The following TMEM132D variants were observed in gnomAD, a reference collection of about 807,000 sequenced individuals.
TMEM132D encodes the protein mature OL transmembrane protein.
In TMEM132D, 21 loss-of-function variants were observed where a neutral mutation model predicts 62.3. That is an observed-to-expected ratio of 0.34 (90% CI 0.24 to 0.49). The LOEUF (loss-of-function observed/expected upper bound fraction) is 0.49. TMEM132D is among the 20% of genes least tolerant of loss of function. The pLI, the probability that TMEM132D is intolerant of heterozygous loss-of-function variation, is 0.99. For synonymous variants in TMEM132D, 621 were observed against 575.6 expected (o/e 1.08, Z -1.13); for missense variants, 1,346 against 1,402.8 (o/e 0.96, Z 0.65).
At chr12:129,501,371 A>G (rs574139892) in intron 3 of TMEM132D, among the ~76,000 whole-genome samples, 1 of 150,834 alleles carries the variant, frequency 6.6e-6, no homozygotes, top group Admixed American at 6.6e-5. Flanking sequence ...TTCTCTTTTG[A>G]AAAAAAAAAT....
chr12:129,482,357 C>A (rs574321208), intron 3 of TMEM132D, among the ~76,000 whole-genome samples: 9 of 152,138 alleles, frequency 5.9e-5, no homozygotes, highest in Non-Finnish European at 1.2e-4. Flanking sequence ...TTTTGTCTAC[C>A]AATCTGAAGG....
In TMEM132D at chr12:129,075,683, A is replaced by C. The variant is rs560428265; in HGVS notation, c.2116-624T>G. 6.6e-5 allele frequency among the ~76,000 whole-genome samples: 10 copies of C among 152,238 alleles called. No homozygotes were observed. The East Asian group carries it at 1.9e-3, about 29-fold the overall frequency. ...GAGGAGTTAAGCCTGACAGCAGGAG[A>C]GGGAGAAGCATCTTGATTGGAGAGT... is the stretch of plus-strand genomic sequence containing the variant. On this transcript the variant is annotated intron_variant, in intron 8 of 8. Transcript: ENST00000422113.
chr12:129,701,239 A>G (rs1593126504), intron 1 of TMEM132D, among the ~76,000 whole-genome samples: 1 of 152,318 alleles, frequency 6.6e-6, no homozygotes, highest in South Asian at 2.1e-4. Flanking sequence ...CACATGTCCA[A>G]TGGGAAATGC....
intron 3 of TMEM132D, among the ~76,000 whole-genome samples, chr12:129,361,568 G>A (rs1474026791): frequency 6.6e-6 from 1 of 152,194 alleles, no homozygotes; most frequent in East Asian, 1.9e-4. Context: ...CATAAAGTCA[G>A]GCCCCATTTA....
intron 2 of TMEM132D, among the ~76,000 whole-genome samples, chr12:129,533,382 A>C (rs914955697): frequency 6.6e-6 from 1 of 152,242 alleles, no homozygotes; most frequent in African/African-American, 2.4e-5. Context: ...AGCGAACAAA[A>C]GTACAATCCG....
At chr12:129,518,557 G>GTGTA (rs1555262426) in intron 3 of TMEM132D, among the ~76,000 whole-genome samples, 2 of 67,692 alleles carry the variant, frequency 3.0e-5, no homozygotes, top group East Asian at 2.5e-4. Flanking sequence ...GTGTGTGTGT[G>GTGTA]TATATATATA....
intron 1 of TMEM132D, among the ~76,000 whole-genome samples, chr12:129,796,452 G>T (rs1287422498): frequency 1.3e-5 from 2 of 151,882 alleles, no homozygotes; most frequent in Admixed American, 6.6e-5. Context: ...AAACATTTAG[G>T]TTCAGGGGTA....
chr12:129,807,037 A>G lies in TMEM132D; in HGVS notation c.79+96224T>C, dbSNP rs928361724. Among the ~76,000 whole-genome samples, 7 of 152,234 alleles carry G rather than the reference A, an allele frequency of 4.6e-5. No homozygotes were observed. In the East Asian group the frequency reaches 5.8e-4, roughly 13 times the overall value. On this transcript the variant is annotated intron_variant, in intron 1 of 8. Coordinates refer to ENST00000422113, the MANE Select transcript of TMEM132D (RefSeq NM_133448.3). ...CAACAGAGCAAGACCCTATCTAAAT[A>G]AATGAATGAATGAATAAATAAATGA...
At chr12:129,474,933 C>T (rs1306716070) in intron 3 of TMEM132D, among the ~76,000 whole-genome samples, 1 of 152,184 alleles carries the variant, frequency 6.6e-6, no homozygotes, top group Non-Finnish European at 1.5e-5. Flanking sequence ...GGCCAGGCTG[C>T]ATGCCATAAT....
intron 1 of TMEM132D, among the ~76,000 whole-genome samples, chr12:129,800,374 GAA>G (rs78320423): frequency 2.9e-5 from 4 of 139,034 alleles, no homozygotes; most frequent in Non-Finnish European, 6.3e-5. Context: ...AGCAGCAAAG[GAA>G]AAAAAAAAAA....
intron 2 of TMEM132D, among the ~76,000 whole-genome samples, chr12:129,537,242 T>A (rs940128073): frequency 1.3e-5 from 2 of 151,962 alleles, no homozygotes; most frequent in African/African-American, 2.4e-5. Context: ...GGTTGGACTA[T>A]TGAAATAATG....
rs1408442765 is a variant in TMEM132D, at chr12:129,804,644, CCT to C, written c.79+98615_79+98616del. Among the ~76,000 whole-genome samples, 619 of 90,962 alleles carry C rather than the reference CCT, an allele frequency of 6.8e-3. 12 individuals carry two copies. The highest frequency in any genetic ancestry group is 0.024 in the African/African-American group (589 of 24,644). 59.7% of individuals were successfully genotyped at this position (90,962 alleles called of 152,430 possible). ...GAAAACTGGCACAAGACAGGGATGC[CCT>C]CTCTCACCACTCCTATTCAACATAG... On this transcript the variant is annotated intron_variant, in intron 1 of 8. Coordinates refer to ENST00000422113, the MANE Select transcript of TMEM132D (RefSeq NM_133448.3).
chr12:129,477,406 C>T (rs912499570), intron 3 of TMEM132D, among the ~76,000 whole-genome samples: 4 of 152,230 alleles, frequency 2.6e-5, no homozygotes, highest in African/African-American at 9.7e-5. Context: ...AAGACCAATA[C>T]ACTAGGCATT....
intron 2 of TMEM132D, among the ~76,000 whole-genome samples, chr12:129,686,615 C>T (rs1880927564): frequency 6.6e-6 from 1 of 152,154 alleles, no homozygotes; most frequent in African/African-American, 2.4e-5. Flanking sequence ...TTTATAAAAA[C>T]AGCTGGACTG....
intron 3 of TMEM132D, among the ~76,000 whole-genome samples, chr12:129,419,116 C>A (rs1200701083): frequency 6.6e-6 from 1 of 152,152 alleles, no homozygotes; most frequent in African/African-American, 2.4e-5. Context: ...GTTTGTGGGA[C>A]TTCGTTATGT....
At chr12:129,724,396 C>T (rs1001800998) in intron 1 of TMEM132D, among the ~76,000 whole-genome samples, 5 of 152,192 alleles carry the variant, frequency 3.3e-5, no homozygotes, top group African/African-American at 1.2e-4. Flanking sequence ...AGATTCTCCC[C>T]TAAAGATGCT....
intron 4 of TMEM132D, among the ~76,000 whole-genome samples, chr12:129,328,165 G>A (rs1868979654): frequency 6.6e-6 from 1 of 152,048 alleles, no homozygotes; most frequent in Non-Finnish European, 1.5e-5. Flanking sequence ...ATCTCAATGA[G>A]TCTTTCCCTC....
chr12:129,137,050 C>T (rs1876594621), intron 5 of TMEM132D, among the ~76,000 whole-genome samples: 2 of 151,020 alleles, frequency 1.3e-5, no homozygotes, highest in Non-Finnish European at 3.0e-5. Flanking sequence ...ATCATCCCAT[C>T]ATCGCCGTCA....
chr12:129,740,895 G>A (rs1042058333), intron 1 of TMEM132D, among the ~76,000 whole-genome samples: 2 of 152,194 alleles, frequency 1.3e-5, no homozygotes, highest in Admixed American at 1.3e-4. Context: ...AGGATTTCCT[G>A]TACACACTAT....
Sources: allele counts gnomAD v4.1 joint callset (sites outside exome capture counted in the v4.1 genomes callset), GRCh38; gene constraint gnomAD v4.1.1; transcripts MANE v1.5; gene names NCBI Gene and HGNC (gene_info 2026-07-23, HGNC 2026-07-21).